CCDC138: variants seen among roughly 807,000 people sequenced by gnomAD.
The protein encoded by CCDC138 is coiled-coil domain-containing protein 138.
CCDC138 carries 66 observed loss-of-function variants against 82.3 expected under a neutral mutation model. The ratio of observed to expected loss-of-function variants is 0.80; its 90% confidence interval spans 0.66 to 0.98. The LOEUF (loss-of-function observed/expected upper bound fraction) is 0.98, where lower values mean the gene tolerates loss of function less well. CCDC138 is among the 50% of genes least tolerant of loss of function. The pLI is 0.00. For synonymous variants in CCDC138, 297 were observed against 265.4 expected (o/e 1.12, Z -1.16); for missense variants, 816 against 758.9 (o/e 1.08, Z -0.88).
At chr2:108,821,075 T>C (rs545664522) in intron 10 of CCDC138, among the ~76,000 whole-genome samples, 1 of 152,170 alleles carries the variant, frequency 6.6e-6, no homozygotes, top group Non-Finnish European at 1.5e-5. Context: ...ATATAATTTG[T>C]GGCCGGGTGC....
At chr2:108,854,560 G>T (rs1692295952) in intron 12 of CCDC138, among the ~76,000 whole-genome samples, 1 of 152,068 alleles carries the variant, frequency 6.6e-6, no homozygotes, top group Non-Finnish European at 1.5e-5. Context: ...CAGAATTGAG[G>T]TCTGTTAGAC....
chr2:108,809,055 T>A lies in CCDC138; in HGVS notation c.856-3576T>A, dbSNP rs111451672. ...GGCATATGGATATCCATTTCCTGCA[T>A]GATTTGTTGAGGAGACTGTCATCTC... On this transcript the variant is annotated intron_variant, in intron 7 of 14. Coordinates refer to ENST00000295124, the MANE Select transcript of CCDC138 (RefSeq NM_144978.3). Among the ~76,000 whole-genome samples the A allele has an allele frequency of 4.7e-3, 717 of 152,274 alleles. 4 individuals carry two copies. The highest frequency in any genetic ancestry group is 0.016 in the African/African-American group (679 of 41,548).
chr2:108,831,276 TGAAAG>T (rs1455635788), intron 10 of CCDC138, among the ~76,000 whole-genome samples: 1 of 152,158 alleles, frequency 6.6e-6, no homozygotes, highest in Admixed American at 6.5e-5. Flanking sequence ...TCTTAAACGT[TGAAAG>T]GACAAATTGT....
intron 1 of CCDC138, chr2:108,882,340 G>A (rs1366224159): frequency 2.0e-5 from 3 of 152,058 alleles, no homozygotes; most frequent in Admixed American, 6.6e-5. Flanking sequence ...TGTAAAAAAC[G>A]CAATATCTCT....
intron 10 of CCDC138, among the ~76,000 whole-genome samples, chr2:108,823,303 A>G (rs1686015323): frequency 6.6e-6 from 1 of 152,228 alleles, no homozygotes; most frequent in Non-Finnish European, 1.5e-5. Context: ...GGCCTACATT[A>G]CCCTGATACC....
At chr2:108,806,178 A>G (rs1411687269) in intron 7 of CCDC138, among the ~76,000 whole-genome samples, 1 of 152,064 alleles carries the variant, frequency 6.6e-6, no homozygotes, top group Non-Finnish European at 1.5e-5. Flanking sequence ...TATTAGACTT[A>G]TGAATTTGAC....
chr2:108,811,238 T>TCG, intron 7 of CCDC138, among the ~76,000 whole-genome samples: 1 of 49,176 alleles, frequency 2.0e-5, no homozygotes, highest in Non-Finnish European at 4.3e-5. Flanking sequence ...TTTCTTTCTT[T>TCG]CTCTCTCTCT....
In CCDC138 at chr2:108,884,387, A is replaced by G. The variant is rs1331956145; in HGVS notation, c.*45-715A>G. Reference sequence around the variant, plus strand: ...GCAGTGTAATTCCACAAGGCACAGAATGGGCATTCACTGCATAGCCTGACT... The same window carrying G: ...GCAGTGTAATTCCACAAGGCACAGAGTGGGCATTCACTGCATAGCCTGACT... On this transcript the variant is annotated intron_variant, in intron 2 of 2. Coordinates refer to the CCDC138 transcript ENST00000608781. 3 of 152,210 alleles carry G rather than the reference A, an allele frequency of 2.0e-5. 1 individual carries two copies. The highest frequency in any genetic ancestry group is 4.4e-5 in the Non-Finnish European group (3 of 68,034). The allele number at this position is 152,210 out of a possible 1,614,324, so 9.4% of individuals were successfully genotyped here. A position where few individuals can be genotyped will look rare whatever the true frequency, so the allele number is the denominator to read the frequency against.
At chr2:108,825,093 CA>C (rs1217476591) in intron 10 of CCDC138, among the ~76,000 whole-genome samples, 4 of 152,102 alleles carry the variant, frequency 2.6e-5, no homozygotes, top group African/African-American at 9.7e-5. Flanking sequence ...AGGAATCATG[CA>C]AAATAAATTA....
At chr2:108,843,876 G>GTCTGTGTGTGTGTGTGTT (rs1553424755) in intron 11 of CCDC138, among the ~76,000 whole-genome samples, 1 of 13,872 alleles carries the variant, frequency 7.2e-5, no homozygotes, top group African/African-American at 9.6e-5. Context: ...GTGTGTGTGT[G>GTCTGTGTGTGTGTGTGTT]TGTTTCTTTC....
In CCDC138 at chr2:108,786,921, G is replaced by T; in HGVS notation, c.93+6G>T. ...GGGGCAGCTGCCCCGACGAGGTGAAGCCGCCGCCTGAGGTCCGCGGGTGGG... is the reference window on the plus strand; with the variant it reads ...GGGGCAGCTGCCCCGACGAGGTGAATCCGCCGCCTGAGGTCCGCGGGTGGG... On this transcript the variant is annotated splice_donor_region_variant and intron_variant, in intron 1 of 14. Coordinates refer to ENST00000295124, the MANE Select transcript of CCDC138 (RefSeq NM_144978.3). 1 of 1,517,700 alleles carries T rather than the reference G, an allele frequency of 6.6e-7. No homozygotes were observed. Among genetic ancestry groups the T allele is most frequent in the Non-Finnish European group, 8.8e-7 (1 of 1,133,784 alleles). 94.0% of individuals were successfully genotyped at this position (1,517,700 alleles called of 1,614,324 possible). A position where few individuals can be genotyped will look rare whatever the true frequency, so the allele number is the denominator to read the frequency against.
At chr2:108,798,405 T>G in intron 5 of CCDC138, 23 bp from the exon 6 acceptor site, 1 of 1,598,246 alleles carries the variant, frequency 6.3e-7, no homozygotes, top group Non-Finnish European at 8.5e-7. Context: ...TCAAGAGCAT[T>G]AAAGTCTGGC....
chr2:108,879,119 C>G (rs145091546), downstream of CCDC138, among the ~76,000 whole-genome samples: 1 of 152,104 alleles, frequency 6.6e-6, no homozygotes, highest in Non-Finnish European at 1.5e-5. Context: ...ACTAGCAAAC[C>G]GTTGCAGTCT....
chr2:108,839,090 G>T, intron 10 of CCDC138, 95 bp from the exon 11 acceptor site: 1 of 1,308,034 alleles, frequency 7.6e-7, no homozygotes, highest in Non-Finnish European at 1.0e-6. Flanking sequence ...GTTTTGTTTT[G>T]TTTTTAAAGA....
chr2:108,882,380 A>AT (rs1696317413), intron 1 of CCDC138: 1 of 152,236 alleles, frequency 6.6e-6, no homozygotes, highest in African/African-American at 2.4e-5. Context: ...GTGCAACAAA[A>AT]TTAGGTATGC....
At chr2:108,848,447 G>C (rs1432834687) in intron 12 of CCDC138, among the ~76,000 whole-genome samples, 1 of 152,100 alleles carries the variant, frequency 6.6e-6, no homozygotes, top group Non-Finnish European at 1.5e-5. Context: ...ATATAACAGG[G>C]CATAAGAATA....
chr2:108,827,593 G>T (rs1558685338), intron 10 of CCDC138, among the ~76,000 whole-genome samples: 1 of 150,090 alleles, frequency 6.7e-6, no homozygotes, highest in East Asian at 1.9e-4. Context: ...AAGGTGGGCG[G>T]ATCACGAGGT....
At chr2:108,862,576 A>C (rs1342127761) in intron 13 of CCDC138, among the ~76,000 whole-genome samples, 2 of 152,184 alleles carry the variant, frequency 1.3e-5, no homozygotes, top group African/African-American at 4.8e-5. Flanking sequence ...CAAAGCAAAT[A>C]TGTGAGGTAA....
chr2:108,809,661 A>C (rs144138632), intron 7 of CCDC138, among the ~76,000 whole-genome samples: 149 of 152,062 alleles, frequency 9.8e-4, no homozygotes, highest in African/African-American at 3.4e-3. Context: ...AATGCTACTG[A>C]TTTTTGTATG....
Sources: allele counts gnomAD v4.1 joint callset (sites outside exome capture counted in the v4.1 genomes callset), GRCh38; gene constraint gnomAD v4.1.1; transcripts MANE v1.5; gene names NCBI Gene and HGNC (gene_info 2026-07-23, HGNC 2026-07-21).